Variants in SOBP observed in about 807,000 individuals in gnomAD.
SOBP encodes sine oculis-binding protein homolog.
A neutral mutation model predicts 53.6 loss-of-function variants in SOBP; 4 were observed. That is an observed-to-expected ratio of 0.07 (90% CI 0.04 to 0.17). SOBP has a LOEUF of 0.17. SOBP is among the 10% of genes least tolerant of loss of function. The pLI is 1.00. For synonymous variants in SOBP, 584 were observed against 522.6 expected, an observed-to-expected ratio of 1.12 and a Z score of -1.60; for missense variants, 1,088 against 1,204.7, an observed-to-expected ratio of 0.90 and a Z score of 1.43.
At chr6:107,651,223 T>C (rs1299814109) in intron 6 of SOBP, among the ~76,000 whole-genome samples, 4 of 152,172 alleles carry the variant, frequency 2.6e-5, no homozygotes, top group Non-Finnish European at 5.9e-5. Context: ...GCTGTGATCA[T>C]GCCACTGCAC....
At chr6:107,652,046 AT>A in intron 6 of SOBP, among the ~76,000 whole-genome samples, 1 of 152,338 alleles carries the variant, frequency 6.6e-6, no homozygotes, top group East Asian at 1.9e-4. Context: ...AAAGAAATTA[AT>A]TGTTTTCATG....
chr6:107,550,142 T>C (rs1447235323), intron 4 of SOBP, among the ~76,000 whole-genome samples: 1 of 152,220 alleles, frequency 6.6e-6, no homozygotes. Flanking sequence ...ACAGGAACAG[T>C]TGACCCACAC....
At chr6:107,524,640 T>A (rs891357047) in intron 3 of SOBP, among the ~76,000 whole-genome samples, 1 of 152,226 alleles carries the variant, frequency 6.6e-6, no homozygotes, top group Non-Finnish European at 1.5e-5. Context: ...ACATGCATAC[T>A]GAGGACTAGT....
chr6:107,605,057 C>G (rs78009891), intron 5 of SOBP, among the ~76,000 whole-genome samples: 2,525 of 152,302 alleles, frequency 0.017, 103 homozygotes, highest in East Asian at 0.11. Context: ...CCTCCTCCCC[C>G]CTCCACTCTG....
At chr6:107,636,721 G>A (rs985797944) in intron 6 of SOBP, among the ~76,000 whole-genome samples, 2 of 152,146 alleles carry the variant, frequency 1.3e-5, no homozygotes, top group African/African-American at 4.8e-5. Context: ...CCATCTGGTG[G>A]GAGTGCAAAC....
intron 4 of SOBP, among the ~76,000 whole-genome samples, chr6:107,565,468 C>T (rs1784887673): frequency 1.5e-5 from 2 of 137,550 alleles, no homozygotes; most frequent in African/African-American, 5.5e-5. Flanking sequence ...ACCCAGATTG[C>T]ATGATAGGTG....
In SOBP at chr6:107,633,595, A is replaced by T. The variant is rs1463091257; in HGVS notation, c.751A>T (p.Ser251Cys). 6.2e-7 allele frequency: 1 copy of T among 1,614,258 alleles called. No homozygotes were observed. The highest frequency in any genetic ancestry group is 8.5e-7 in the Non-Finnish European group (1 of 1,180,048). Residue 251 changes from serine (S) to cysteine (C), a missense_variant, in exon 6 of 7, where the codon AGT (serine) becomes TGT (cysteine). Transcript: ENST00000317357. The part of the protein sequence containing the change: ...GDGERRLQFC[S>C]AKCLNQYKMD... ...CGGGGAAAGAAGGCTTCAGTTCTGC[A>T]GTGCAAAATGTCTCAATCAATACAA...
intron 4 of SOBP, among the ~76,000 whole-genome samples, chr6:107,545,878 A>G (rs1394599583): frequency 1.3e-5 from 2 of 152,184 alleles, no homozygotes; most frequent in African/African-American, 4.8e-5. Context: ...AGGTTAAAGT[A>G]AAAAACTTAA....
Position 107,633,466 on chromosome 6 carries a change from G to C in SOBP, c.670-48G>C, listed in dbSNP as rs777877696. The C allele has an allele frequency of 8.1e-6, 13 of 1,613,106 alleles. No homozygotes were observed. The South Asian group carries it at 1.3e-4, about 16-fold the overall frequency. On this transcript the variant is annotated intron_variant, in intron 5 of 6. Coordinates refer to ENST00000317357, the MANE Select transcript of SOBP (RefSeq NM_018013.4). ...GAAACACGAAACGTCATCTACCCAG[G>C]TAAATTGCTTGTCTTACCTGTTGTG...
chr6:107,634,668 G>GGCGCCC lies in SOBP; in HGVS notation c.1825_1830dup (p.Ala609_Pro610dup). ...GCTGCTCGGGCCAGGCCCTGAGCCT[G>GGCGCCC]GCGCCCACGCCCGCCGAGCATGGCC... On this transcript the variant is annotated inframe_insertion, in exon 6 of 7. Coordinates refer to ENST00000317357, the MANE Select transcript of SOBP (RefSeq NM_018013.4). This position sits in a 1 kb window ranked among gnomAD's most constrained non-coding sequence, Gnocchi z 4.5. 1 of 1,544,098 alleles carries GGCGCCC rather than the reference G, an allele frequency of 6.5e-7. No individual in the cohort carries two copies. The highest frequency in any genetic ancestry group is 1.2e-5 in the South Asian group (1 of 85,870).
At chr6:107,574,755 C>CTGGT (rs1162189372) in intron 4 of SOBP, among the ~76,000 whole-genome samples, 1 of 152,192 alleles carries the variant, frequency 6.6e-6, no homozygotes, top group Non-Finnish European at 1.5e-5. Context: ...CCTGCCAATA[C>CTGGT]TGGTGGGCCT....
intron 4 of SOBP, among the ~76,000 whole-genome samples, chr6:107,537,489 A>G (rs1784032640): frequency 6.6e-6 from 1 of 152,226 alleles, no homozygotes; most frequent in African/African-American, 2.4e-5. Flanking sequence ...ACAAATTCCT[A>G]AGAGCACCAA....
intron 3 of SOBP, among the ~76,000 whole-genome samples, chr6:107,521,843 G>A (rs1372813042): frequency 6.6e-6 from 1 of 151,494 alleles, no homozygotes; most frequent in Non-Finnish European, 1.5e-5. Context: ...TTTTATTCTA[G>A]TGAGCAAAAC....
intron 4 of SOBP, among the ~76,000 whole-genome samples, chr6:107,555,441 A>G (rs1784580836): frequency 6.6e-6 from 1 of 152,182 alleles, no homozygotes; most frequent in Non-Finnish European, 1.5e-5. Context: ...TCATTTTCAC[A>G]TGTCCACAGT....
At position 107,547,818 on chromosome 6, in the gene SOBP, G is replaced by C. The variant is rs150340864; in HGVS notation, c.573+14208G>C. On this transcript the variant is annotated intron_variant, in intron 4 of 6. Transcript: ENST00000317357. Reference sequence around the variant, plus strand: ...TGATCATGGATAGTAGTTGTGAGCTGTTCCTGGTCTTGCAGTTAAGTGTTC... The same window carrying C: ...TGATCATGGATAGTAGTTGTGAGCTCTTCCTGGTCTTGCAGTTAAGTGTTC... Among the ~76,000 whole-genome samples the C allele has an allele frequency of 2.6e-5, 4 of 152,322 alleles. No individual in the cohort carries two copies. In the East Asian group the frequency reaches 7.7e-4, roughly 29 times the overall value.
rs568046187 is a variant in SOBP at position 107,566,084 on chromosome 6, T to C, written c.574-20996T>C. ...GAAGGGTGAAAGGCTATGAACTAAT[T>C]GGCTGATTTTTTATCAAAAATAAAA... On this transcript the variant is annotated intron_variant, in intron 4 of 6. Coordinates refer to ENST00000317357, the MANE Select transcript of SOBP (RefSeq NM_018013.4). Among the ~76,000 whole-genome samples the C allele has an allele frequency of 2.6e-5, 4 of 152,350 alleles. No homozygotes were observed. The South Asian group carries it at 8.3e-4, about 32-fold the overall frequency.
At chr6:107,582,167 T>A (rs1270222503) in intron 4 of SOBP, among the ~76,000 whole-genome samples, 1 of 152,176 alleles carries the variant, frequency 6.6e-6, no homozygotes, top group African/African-American at 2.4e-5. Flanking sequence ...TTCTCTGGGG[T>A]AGGCAAGTGG....
intron 1 of SOBP, among the ~76,000 whole-genome samples, chr6:107,495,681 T>G (rs1490611983): frequency 6.6e-6 from 1 of 151,898 alleles, no homozygotes; most frequent in Admixed American, 6.6e-5. Flanking sequence ...TAAAGGAAAG[T>G]AAAAAACAGG....
At chr6:107,587,354 A>T (rs148211868) in intron 5 of SOBP, 179 bp downstream of exon 5, 1 of 629,162 alleles carries the variant, frequency 1.6e-6, no homozygotes, top group South Asian at 1.9e-5. Context: ...ATTGTTTGCA[A>T]ATCTTTTATA....
Sources: gnomAD v4.1 joint callset for allele counts (sites outside exome capture counted in the v4.1 genomes callset) on GRCh38, gnomAD v4.1.1 for gene constraint, Gnocchi (gnomAD v3.1) non-coding constraint, MANE v1.5 for transcripts, NCBI Gene and HGNC (gene_info 2026-07-23, HGNC 2026-07-21) for gene names.